The following ERCC6L2 variants were observed in gnomAD, a reference collection of about 807,000 sequenced individuals.
ERCC6L2 encodes DNA excision repair protein ERCC-6-like 2.
ERCC6L2 carries 77 observed loss-of-function variants against 132.0 expected under a neutral mutation model. The ratio of observed to expected loss-of-function variants is 0.58; its 90% CI spans 0.49 to 0.71. ERCC6L2 has a LOEUF of 0.71. Among genes scored for constraint, ERCC6L2 ranks in the 30% least tolerant of loss-of-function variants. The pLI is 0.00. For synonymous variants in ERCC6L2, 583 were observed against 632.4 expected (o/e 0.92, Z 1.17); for missense variants, 1,542 against 1,837.6 (o/e 0.84, Z 2.94).
intron 13 of ERCC6L2, among the ~76,000 whole-genome samples, chr9:95,963,147 CTGTGTGTGTGTGTG>C (rs34128119): frequency 1.3e-5 from 2 of 148,510 alleles, no homozygotes; most frequent in Non-Finnish European, 3.0e-5. Context: ...GTCATCTCGT[CTGTGTGTGTGTGTG>C]TGTGTGTGTG....
At chr9:96,036,703 C>T (rs922212157) in intron 19 of ERCC6L2, among the ~76,000 whole-genome samples, 2 of 151,396 alleles carry the variant, frequency 1.3e-5, no homozygotes, top group African/African-American at 2.4e-5. Context: ...TTCCTAGTAG[C>T]CATCCTAATG....
At chr9:95,977,754 CAATG>C (rs1183686619) in intron 16 of ERCC6L2, among the ~76,000 whole-genome samples, 2 of 149,238 alleles carry the variant, frequency 1.3e-5, no homozygotes, top group African/African-American at 2.5e-5. Context: ...TTTTAATTAA[CAATG>C]AAAACAAATT....
At position 96,012,695 on chromosome 9, in the gene ERCC6L2, C is replaced by T. The variant is rs139384710; in HGVS notation, c.4145C>T (p.Ser1382Phe). 7.3e-7 allele frequency: 1 copy of T among 1,367,464 alleles called. No homozygotes were observed. Among genetic ancestry groups the T allele is most frequent in the African/African-American group, 1.5e-5 (1 of 67,704 alleles). The allele number at this position is 1,367,464 out of a possible 1,614,324, so 84.7% of individuals were successfully genotyped here. Reference sequence around the variant, plus strand: ...CAGGCATCCGAAGATACTGTGACATCCCGTTCTCTGAACAGTGAGTCTGAA... The same window carrying T: ...CAGGCATCCGAAGATACTGTGACATTCCGTTCTCTGAACAGTGAGTCTGAA... ...NSQASEDTVT[S>F]RSLNSESETR... The change falls in exon 19 of 19, where the codon TCC (serine) becomes TTC (phenylalanine). Residue 1382 changes from serine (S) to phenylalanine (F), a missense_variant. This residue lies in a region of ERCC6L2 where 442 missense variants were observed against 583.4 expected (regional missense o/e 0.76). Transcript: ENST00000653738.
At chr9:96,024,811 C>T (rs1834340096) in intron 19 of ERCC6L2, among the ~76,000 whole-genome samples, 1 of 152,196 alleles carries the variant, frequency 6.6e-6, no homozygotes. Context: ...CAGAATTCTT[C>T]ATCCTCAACT....
At chr9:95,956,165 A>G (rs1177664381) in intron 13 of ERCC6L2, 152 bp downstream of exon 13, 1 of 464,034 alleles carries the variant, frequency 2.2e-6, no homozygotes, top group African/African-American at 2.0e-5. Flanking sequence ...CACTTTTATG[A>G]AACAGATTCT....
chr9:95,900,679 A>G (rs1828727387), intron 3 of ERCC6L2, among the ~76,000 whole-genome samples: 1 of 151,966 alleles, frequency 6.6e-6, no homozygotes, highest in Admixed American at 6.6e-5. Flanking sequence ...TTATGCTTTG[A>G]TGTAGTGCAT....
intron 14 of ERCC6L2, chr9:95,968,395 T>C (rs1832262238): frequency 6.6e-6 from 1 of 152,196 alleles, no homozygotes; most frequent in African/African-American, 2.4e-5. Flanking sequence ...ACTTGATTAT[T>C]AAGTTAAATT....
intron 11 of ERCC6L2, among the ~76,000 whole-genome samples, chr9:95,931,226 CT>C (rs1830325040): frequency 6.6e-6 from 1 of 152,102 alleles, no homozygotes; most frequent in African/African-American, 2.4e-5. Flanking sequence ...TCTTTTCCCC[CT>C]CTCAGTCTGT....
At chr9:95,965,794 A>G (rs1430077430) in intron 13 of ERCC6L2, among the ~76,000 whole-genome samples, 1 of 152,162 alleles carries the variant, frequency 6.6e-6, no homozygotes, top group African/African-American at 2.4e-5. Context: ...TACAGGCATG[A>G]GCCATTGCAC....
chr9:95,969,262 GAAAGATGACAT>G (rs1832303131), intron 14 of ERCC6L2, among the ~76,000 whole-genome samples: 1 of 152,152 alleles, frequency 6.6e-6, no homozygotes, highest in Admixed American at 6.6e-5. Context: ...GTTCTGAACA[GAAAGATGACAT>G]AGTCTGATTT....
At chr9:96,038,557 G>A (rs1346675791) in intron 19 of ERCC6L2, among the ~76,000 whole-genome samples, 1 of 152,188 alleles carries the variant, frequency 6.6e-6, no homozygotes, top group Non-Finnish European at 1.5e-5. Context: ...TGGCCATCTG[G>A]GATTGGTCTC....
chr9:95,999,483 A>G (rs368684968), intron 17 of ERCC6L2, among the ~76,000 whole-genome samples: 2 of 152,208 alleles, frequency 1.3e-5, no homozygotes, highest in East Asian at 3.8e-4. Context: ...GAATTTTCCT[A>G]AAGAAGTTAT....
intron 12 of ERCC6L2, 57 bp from the exon 13 acceptor site, chr9:95,955,857 T>C: frequency 1.0e-6 from 1 of 970,556 alleles, no homozygotes; most frequent in Non-Finnish European, 1.5e-6. Flanking sequence ...CCAAGTTACC[T>C]CTTCAACCCA....
chr9:95,915,492 C>T (rs1209444541), intron 4 of ERCC6L2, among the ~76,000 whole-genome samples, 176 bp from the exon 5 acceptor site: 2 of 151,778 alleles, frequency 1.3e-5, no homozygotes, highest in Non-Finnish European at 2.9e-5. Context: ...TTATTTTTGT[C>T]GACTGTCCAA....
intron 18 of ERCC6L2, 21 bp downstream of exon 18, chr9:96,004,722 C>G: frequency 1.6e-6 from 2 of 1,276,656 alleles, no homozygotes; most frequent in Non-Finnish European, 2.1e-6. Flanking sequence ...TCTGACAATA[C>G]TATACTTGAA....
At chr9:95,996,753 A>G (rs1833485197) in intron 17 of ERCC6L2, among the ~76,000 whole-genome samples, 1 of 152,236 alleles carries the variant, frequency 6.6e-6, no homozygotes, top group Non-Finnish European at 1.5e-5. Flanking sequence ...CATGCCCACT[A>G]TTGAGACATG....
intron 18 of ERCC6L2, among the ~76,000 whole-genome samples, chr9:96,005,484 A>T (rs1833836181): frequency 6.6e-6 from 1 of 152,046 alleles, no homozygotes; most frequent in Non-Finnish European, 1.5e-5. Flanking sequence ...TTCTTTTGGG[A>T]AGTCAGGGAA....
chr9:95,955,075 A>C (rs774126356), intron 12 of ERCC6L2, among the ~76,000 whole-genome samples: 10 of 152,222 alleles, frequency 6.6e-5, no homozygotes, highest in Non-Finnish European at 8.8e-5. Flanking sequence ...TTGGGTGCTC[A>C]TACAGAGCAT....
rs1397743971 is a variant in ERCC6L2, at chr9:96,017,160, C to T, written c.*3957C>T. ...CAGAGATTGCAAAGCATCCTCTGCC[C>T]AGTGCTTCTAGGAGGCCTTACTGGG... On this transcript the variant is annotated 3_prime_UTR_variant, in exon 19 of 19. Coordinates refer to ENST00000653738, the MANE Select transcript of ERCC6L2 (RefSeq NM_020207.7). Among the ~76,000 whole-genome samples the T allele has an allele frequency of 6.6e-6, 1 of 152,160 alleles. No individual in the cohort carries two copies. The highest frequency in any genetic ancestry group is 2.4e-5 in the African/African-American group (1 of 41,436).
Sources: allele counts gnomAD v4.1 joint callset (sites outside exome capture counted in the v4.1 genomes callset), GRCh38; gene constraint gnomAD v4.1.1; regional missense constraint gnomAD v4.1.1; transcripts MANE v1.5; gene names NCBI Gene and HGNC (gene_info 2026-07-23, HGNC 2026-07-21).